ITPR2: variants seen among roughly 807,000 people sequenced by gnomAD.
ITPR2 encodes inositol 1,4,5-trisphosphate-gated calcium channel ITPR2.
ITPR2 carries 207 observed loss-of-function variants against 317.1 expected under a neutral mutation model. That is an observed-to-expected ratio of 0.65 (90% CI 0.58 to 0.73). The LOEUF (loss-of-function observed/expected upper bound fraction) is 0.73. ITPR2 is among the 30% of genes least tolerant of loss of function. ITPR2 has a pLI of 0.00. For synonymous variants in ITPR2, 1,156 were observed against 1,149.1 expected, an observed-to-expected ratio of 1.01 and a Z score of -0.12; for missense variants, 2,613 against 3,284.0, an observed-to-expected ratio of 0.80 and a Z score of 4.99.
At chr12:26,689,222 G>T (rs998886053) in intron 10 of ITPR2, among the ~76,000 whole-genome samples, 1 of 152,088 alleles carries the variant, frequency 6.6e-6, no homozygotes, top group Admixed American at 6.6e-5. Context: ...TTCAAGACCA[G>T]CCTGGGCAAC....
At chr12:26,793,772 C>T (rs1950382717) in intron 1 of ITPR2, among the ~76,000 whole-genome samples, 1 of 152,094 alleles carries the variant, frequency 6.6e-6, no homozygotes, top group African/African-American at 2.4e-5. Flanking sequence ...AAGCAATAAA[C>T]AGTCAACTAA....
chr12:26,341,320 T>A (rs1938106317), intron 55 of ITPR2, among the ~76,000 whole-genome samples: 1 of 152,184 alleles, frequency 6.6e-6, no homozygotes, highest in Admixed American at 6.5e-5. Context: ...TCCCTAGCAG[T>A]GAGCATCATG....
At chr12:26,457,906 C>T (rs1400366269) in intron 45 of ITPR2, among the ~76,000 whole-genome samples, 1 of 151,898 alleles carries the variant, frequency 6.6e-6, no homozygotes, top group African/African-American at 2.4e-5. Flanking sequence ...GACACAGCAC[C>T]GATACAAAGT....
chr12:26,540,069 G>A (rs1399095275), intron 37 of ITPR2, among the ~76,000 whole-genome samples: 1 of 152,138 alleles, frequency 6.6e-6, no homozygotes, highest in African/African-American at 2.4e-5. Context: ...TTTTGTGGAG[G>A]GTGGGCTGGA....
At chr12:26,643,129 G>A (rs1028877752) in intron 21 of ITPR2, among the ~76,000 whole-genome samples, 12 of 152,138 alleles carry the variant, frequency 7.9e-5, no homozygotes, top group Non-Finnish European at 1.8e-4. Flanking sequence ...CAGTAAGAAG[G>A]TGCCATCTGT....
At chr12:26,532,808 C>A (rs1469665262) in intron 37 of ITPR2, among the ~76,000 whole-genome samples, 1 of 151,966 alleles carries the variant, frequency 6.6e-6, no homozygotes, top group Non-Finnish European at 1.5e-5. Context: ...ATCTCAGCCC[C>A]CTGAGTAGCC....
intron 2 of ITPR2, among the ~76,000 whole-genome samples, chr12:26,748,907 T>C (rs907380143): frequency 3.3e-5 from 5 of 152,204 alleles, no homozygotes; most frequent in African/African-American, 4.8e-5. Flanking sequence ...AACAAGTTTT[T>C]AGTAATTTAA....
chr12:26,533,742 C>G (rs1004368083), intron 37 of ITPR2, among the ~76,000 whole-genome samples: 1 of 152,102 alleles, frequency 6.6e-6, no homozygotes, highest in African/African-American at 2.4e-5. Context: ...AGGAGAAACA[C>G]CTGGGACAGT....
intron 1 of ITPR2, among the ~76,000 whole-genome samples, chr12:26,804,532 A>T (rs1286734107): frequency 6.6e-6 from 1 of 152,144 alleles, no homozygotes; most frequent in African/African-American, 2.4e-5. Flanking sequence ...AATCAAAAGG[A>T]AATAAAAACA....
intron 34 of ITPR2, among the ~76,000 whole-genome samples, chr12:26,570,390 T>C (rs895201646): frequency 6.6e-6 from 1 of 152,158 alleles, no homozygotes. Flanking sequence ...TTAGTAATAA[T>C]TGAGTTTTTA....
In ITPR2 at chr12:26,337,362, G is replaced by A. The variant is rs1174018932; in HGVS notation, c.*2035C>T. The A allele has an allele frequency of 1.3e-5, 2 of 152,058 alleles. No homozygotes were observed. The highest frequency in any genetic ancestry group is 2.9e-5 in the Non-Finnish European group (2 of 67,994). The allele number at this position is 152,058 out of a possible 1,614,324, so 9.4% of individuals were successfully genotyped here. On this transcript the variant is annotated 3_prime_UTR_variant, in exon 57 of 57. Coordinates refer to ENST00000381340, the MANE Select transcript of ITPR2 (RefSeq NM_002223.4). ...ATATTTTGTACTAAAACAGAGATAG[G>A]TTCCTATATTGGAATATGTTCAATA...
chr12:26,828,381 T>C (rs1827315993), intron 1 of ITPR2, among the ~76,000 whole-genome samples: 1 of 152,220 alleles, frequency 6.6e-6, no homozygotes, highest in African/African-American at 2.4e-5. Context: ...CCCCTACATG[T>C]ACCTAGATAA....
chr12:26,528,419 C>T (rs1319420463), intron 37 of ITPR2, among the ~76,000 whole-genome samples: 1 of 152,192 alleles, frequency 6.6e-6, no homozygotes, highest in Non-Finnish European at 1.5e-5. Context: ...TAGTTTCTAT[C>T]CTATCATGTC....
intron 51 of ITPR2, among the ~76,000 whole-genome samples, chr12:26,414,555 G>A (rs1940660341): frequency 6.6e-6 from 1 of 151,826 alleles, no homozygotes; most frequent in Non-Finnish European, 1.5e-5. Flanking sequence ...CAGGGGAGGA[G>A]GAAAAAGAAT....
intron 30 of ITPR2, 49 bp downstream of exon 30, chr12:26,599,096 T>C (rs1409420160): frequency 6.6e-7 from 1 of 1,522,360 alleles, no homozygotes; most frequent in African/African-American, 1.4e-5. Flanking sequence ...AATGCATATT[T>C]GAACATACTG....
At chr12:26,587,494 A>T (rs1236961782) in intron 32 of ITPR2, among the ~76,000 whole-genome samples, 3 of 152,142 alleles carry the variant, frequency 2.0e-5, no homozygotes, top group African/African-American at 7.2e-5. Flanking sequence ...TGGAAAATGT[A>T]CAGTTGCTGA....
intron 21 of ITPR2, among the ~76,000 whole-genome samples, chr12:26,652,210 G>A (rs1947272506): frequency 6.6e-6 from 1 of 152,126 alleles, no homozygotes. Flanking sequence ...AGCTCACCAG[G>A]CAGCTGTACT....
intron 46 of ITPR2, 35 bp from the exon 47 acceptor site, chr12:26,439,354 C>A (rs369902972): frequency 6.7e-7 from 1 of 1,493,514 alleles, no homozygotes; most frequent in Non-Finnish European, 9.1e-7. Flanking sequence ...TTTAGCCTTT[C>A]GGACACCTCA....
intron 21 of ITPR2, among the ~76,000 whole-genome samples, chr12:26,644,580 T>C (rs182133632): frequency 2.3e-4 from 35 of 152,302 alleles, no homozygotes; most frequent in African/African-American, 6.0e-4. Context: ...GGCAAAGTCA[T>C]ATCTTACATG....
Sources: allele counts gnomAD v4.1 joint callset (sites outside exome capture counted in the v4.1 genomes callset), GRCh38; gene constraint gnomAD v4.1.1; transcripts MANE v1.5; gene names NCBI Gene and HGNC (gene_info 2026-07-23, HGNC 2026-07-21).